ZNF385B: variants seen among roughly 807,000 people sequenced by gnomAD.
The protein encoded by ZNF385B is zinc finger protein 385B.
Under a neutral mutation model 39.2 loss-of-function variants are expected in ZNF385B, and 23 were observed. The ratio of observed to expected loss-of-function variants is 0.59; its 90% CI spans 0.42 to 0.83. ZNF385B has a LOEUF of 0.83. Ranked by LOEUF, ZNF385B falls within the 40% of genes least tolerant of loss-of-function variation. The pLI is 0.00. For missense variants in ZNF385B, 552 were observed against 598.9 expected, an observed-to-expected ratio of 0.92 and a Z score of 0.82; for synonymous variants, 205 against 222.6, an observed-to-expected ratio of 0.92 and a Z score of 0.70.
intron 6 of ZNF385B, among the ~76,000 whole-genome samples, chr2:179,451,704 A>T (rs1020465161): frequency 6.6e-6 from 1 of 152,144 alleles, no homozygotes; most frequent in Non-Finnish European, 1.5e-5. Context: ...AATAAAACAG[A>T]TCCTAAAATT....
chr2:179,844,560 G>C (rs1708702524), intron 1 of ZNF385B, among the ~76,000 whole-genome samples: 1 of 152,088 alleles, frequency 6.6e-6, no homozygotes, highest in Non-Finnish European at 1.5e-5. Flanking sequence ...TTCTACTTCA[G>C]CAAGATTTAA....
intron 5 of ZNF385B, among the ~76,000 whole-genome samples, chr2:179,506,067 G>A (rs536291180): frequency 7.2e-5 from 11 of 152,028 alleles, no homozygotes; most frequent in Non-Finnish European, 1.5e-4. Context: ...TTACATGACG[G>A]AACTTCCAAT....
intron 3 of ZNF385B, among the ~76,000 whole-genome samples, chr2:179,766,411 T>C (rs1361661577): frequency 6.6e-6 from 1 of 152,170 alleles, no homozygotes; most frequent in East Asian, 1.9e-4. Flanking sequence ...TGTAACAAAG[T>C]ACTATAAACT....
intron 6 of ZNF385B, among the ~76,000 whole-genome samples, chr2:179,471,003 C>T (rs866645284): frequency 9.2e-5 from 14 of 152,220 alleles, no homozygotes; most frequent in South Asian, 6.2e-4. Context: ...TTTTGGAGTT[C>T]ATGTCATACA....
chr2:179,749,388 C>G lies in ZNF385B; in HGVS notation c.298+20115G>C, dbSNP rs535812804. Among the ~76,000 whole-genome samples the G allele has an allele frequency of 2.0e-5, 3 of 152,162 alleles. No individual in the cohort carries two copies. In the East Asian group the frequency reaches 5.8e-4, roughly 29 times the overall value. On this transcript the variant is annotated intron_variant, in intron 3 of 9. Coordinates refer to ENST00000410066, the MANE Select transcript of ZNF385B (RefSeq NM_152520.6). ...CAGCCCTTCCACCTCCTCCAAACTC[C>G]ATGTAATCAGAAGAGCAAATATGTT...
chr2:179,615,230 G>A (rs1689634597), intron 3 of ZNF385B, among the ~76,000 whole-genome samples: 1 of 152,186 alleles, frequency 6.6e-6, no homozygotes, highest in African/African-American at 2.4e-5. Context: ...CTAAATGATG[G>A]CATCAAGGTC....
chr2:179,614,894 T>C (rs767565319), intron 3 of ZNF385B, among the ~76,000 whole-genome samples: 1 of 152,182 alleles, frequency 6.6e-6, no homozygotes, highest in African/African-American at 2.4e-5. Context: ...TAGTGCATCA[T>C]GTATAATTCA....
intron 3 of ZNF385B, among the ~76,000 whole-genome samples, chr2:179,645,220 C>T (rs928680996): frequency 1.3e-5 from 2 of 152,188 alleles, no homozygotes; most frequent in African/African-American, 2.4e-5. Context: ...AATTCTGTCA[C>T]TTCCAGGAAT....
chr2:179,720,188 A>G (rs1016231244), intron 3 of ZNF385B, among the ~76,000 whole-genome samples: 1 of 152,190 alleles, frequency 6.6e-6, no homozygotes, highest in Non-Finnish European at 1.5e-5. Flanking sequence ...GGGTAAATCC[A>G]AAAACATATC....
At chr2:179,662,970 T>C (rs1259117084) in intron 3 of ZNF385B, among the ~76,000 whole-genome samples, 1 of 152,192 alleles carries the variant, frequency 6.6e-6, no homozygotes, top group Non-Finnish European at 1.5e-5. Flanking sequence ...TTAGTTTTGA[T>C]TTTCCTCTTC....
intron 1 of ZNF385B, among the ~76,000 whole-genome samples, chr2:179,826,349 A>G (rs921802850): frequency 6.6e-6 from 1 of 152,212 alleles, no homozygotes; most frequent in Non-Finnish European, 1.5e-5. Context: ...AAGAGCTTTG[A>G]TGCCCTCACG....
At chr2:179,634,516 G>C (rs12476862) in intron 3 of ZNF385B, among the ~76,000 whole-genome samples, 58,555 of 152,044 alleles carry the variant, frequency 0.39, 11,453 homozygotes, top group African/African-American at 0.46. Flanking sequence ...CCATCTCACA[G>C]TAGTTAGAAT....
intron 3 of ZNF385B, among the ~76,000 whole-genome samples, chr2:179,665,792 G>A (rs574864797): frequency 6.6e-6 from 1 of 151,728 alleles, no homozygotes; most frequent in Non-Finnish European, 1.5e-5. Context: ...TTTCAACAGG[G>A]TTAAATTAGA....
At chr2:179,607,170 A>G in intron 3 of ZNF385B, among the ~76,000 whole-genome samples, 1 of 152,170 alleles carries the variant, frequency 6.6e-6, no homozygotes, top group East Asian at 1.9e-4. Context: ...TGAGTATTCG[A>G]GATTCACAAA....
intron 1 of ZNF385B, among the ~76,000 whole-genome samples, chr2:179,780,699 C>T (rs1704614916): frequency 6.6e-6 from 1 of 152,138 alleles, no homozygotes; most frequent in African/African-American, 2.4e-5. Flanking sequence ...GGGTATTCTT[C>T]CTAACTCCTC....
chr2:179,477,267 G>A (rs2053533367), intron 6 of ZNF385B, among the ~76,000 whole-genome samples: 1 of 152,192 alleles, frequency 6.6e-6, no homozygotes, highest in Non-Finnish European at 1.5e-5. Context: ...AATTGAAAAT[G>A]CACTTTCATA....
chr2:179,478,560 T>C (rs1242525401), intron 6 of ZNF385B, among the ~76,000 whole-genome samples: 1 of 152,238 alleles, frequency 6.6e-6, no homozygotes, highest in Non-Finnish European at 1.5e-5. Flanking sequence ...TTGCTCTTAA[T>C]TGCATTTATA....
chr2:179,603,382 T>C (rs981880601), intron 3 of ZNF385B, among the ~76,000 whole-genome samples: 1 of 152,312 alleles, frequency 6.6e-6, no homozygotes, highest in African/African-American at 2.4e-5. Context: ...CCCAGATTAG[T>C]TTGGTTGCAG....
intron 4 of ZNF385B, among the ~76,000 whole-genome samples, chr2:179,544,182 A>G (rs914349279): frequency 2.6e-5 from 4 of 152,220 alleles, no homozygotes; most frequent in Non-Finnish European, 4.4e-5. Flanking sequence ...AATGTTTTTC[A>G]TTCAAATAAA....
Sources: gnomAD v4.1 joint callset for allele counts (sites outside exome capture counted in the v4.1 genomes callset) on GRCh38, gnomAD v4.1.1 for gene constraint, MANE v1.5 for transcripts, NCBI Gene and HGNC (gene_info 2026-07-23, HGNC 2026-07-21) for gene names.